The following UBTD2 variants were observed in gnomAD, a reference collection of about 807,000 sequenced individuals.
UBTD2 encodes ubiquitin domain containing 2.
A neutral mutation model predicts 19.8 loss-of-function variants in UBTD2; 9 were observed. The ratio of observed to expected loss-of-function variants is 0.46; its 90% CI spans 0.27 to 0.79. The LOEUF is 0.79. Among genes scored for constraint, UBTD2 ranks in the 30% least tolerant of loss-of-function variants. The pLI is 0.14. For missense variants in UBTD2, 250 were observed against 300.4 expected (o/e 0.83, Z 1.24); for synonymous variants, 98 against 103.9 (o/e 0.94, Z 0.35).
At chr5:172,264,571 A>C (rs1298203680) in intron 1 of UBTD2, among the ~76,000 whole-genome samples, 1 of 135,732 alleles carries the variant, frequency 7.4e-6, no homozygotes, top group Non-Finnish European at 1.6e-5. Flanking sequence ...TAAAAAAAAA[A>C]AAAAACAAAA....
At position 172,211,694 on chromosome 5, in the gene UBTD2, G is replaced by A. The variant is rs560811159; in HGVS notation, c.*136C>T. 10 of 948,286 alleles carry A rather than the reference G, an allele frequency of 1.1e-5. No homozygotes were observed. The South Asian group carries it at 3.5e-4, about 33-fold the overall frequency. 58.7% of individuals were successfully genotyped at this position (948,286 alleles called of 1,614,324 possible). On this transcript the variant is annotated 3_prime_UTR_variant, in exon 3 of 3. Coordinates refer to ENST00000393792, the MANE Select transcript of UBTD2 (RefSeq NM_152277.3). ...TCCATCACAGATGGAATTTTTCACT[G>A]GTAATTCCTCAGAACTAAATCCATT...
chr5:172,283,660 G>A lies in UBTD2; in HGVS notation c.6C>T (p.Gly2=). M[G]GCVGAQHDSS... ...AGTCGTGCTGGGCGCCCACACACCC[G>A]CCCATGGGGGCCCCCGGCGCCTCGT... Residue 2 remains glycine (G), a synonymous_variant, in exon 1 of 3, where the codon GGC becomes GGT. Transcript: ENST00000393792. This position sits in a 1 kb window ranked among gnomAD's most constrained non-coding sequence, Gnocchi z 4.3. 1 of 1,242,946 alleles carries A rather than the reference G, an allele frequency of 8.0e-7. No homozygotes were observed. Among genetic ancestry groups the A allele is most frequent in the East Asian group, 3.2e-5 (1 of 31,466 alleles). 77.0% of individuals were successfully genotyped at this position (1,242,946 alleles called of 1,614,324 possible).
chr5:172,253,966 G>A (rs1755085977), intron 1 of UBTD2, among the ~76,000 whole-genome samples: 1 of 152,198 alleles, frequency 6.6e-6, no homozygotes, highest in South Asian at 2.1e-4. Flanking sequence ...GTAAGGAGAG[G>A]GAGGATTAGA....
chr5:172,217,787 G>A (rs1332256555), intron 2 of UBTD2, among the ~76,000 whole-genome samples: 1 of 152,150 alleles, frequency 6.6e-6, no homozygotes, highest in Non-Finnish European at 1.5e-5. Context: ...CCTGGACCAA[G>A]AAGAAATAAT....
At chr5:172,259,914 A>G (rs745316796) in intron 1 of UBTD2, among the ~76,000 whole-genome samples, 6 of 152,052 alleles carry the variant, frequency 3.9e-5, no homozygotes, top group African/African-American at 7.2e-5. Context: ...TTAGCTGAGC[A>G]TGATGGCAAG....
At chr5:172,258,834 T>C (rs745545895) in intron 1 of UBTD2, among the ~76,000 whole-genome samples, 4 of 152,222 alleles carry the variant, frequency 2.6e-5, no homozygotes, top group Non-Finnish European at 5.9e-5. Context: ...AAGTTTCCGA[T>C]CTAGGAGCTT....
At chr5:172,251,373 T>A (rs960952455) in intron 1 of UBTD2, among the ~76,000 whole-genome samples, 25 of 136,998 alleles carry the variant, frequency 1.8e-4, no homozygotes, top group African/African-American at 6.7e-4. Flanking sequence ...GTCAGAAATA[T>A]AATCAAACAG....
At chr5:172,254,193 G>A (rs1046940553) in intron 1 of UBTD2, among the ~76,000 whole-genome samples, 3 of 152,026 alleles carry the variant, frequency 2.0e-5, no homozygotes, top group African/African-American at 7.2e-5. Context: ...TCTGCCTCCC[G>A]GGTTCAAGGG....
At chr5:172,282,957 C>G in intron 1 of UBTD2, among the ~76,000 whole-genome samples, 1 of 152,120 alleles carries the variant, frequency 6.6e-6, no homozygotes, top group East Asian at 1.9e-4. Flanking sequence ...GACAGCACAC[C>G]GGCCTAACAC....
At chr5:172,233,012 A>G (rs1320888614) in intron 2 of UBTD2, among the ~76,000 whole-genome samples, 1 of 152,112 alleles carries the variant, frequency 6.6e-6, no homozygotes, top group Non-Finnish European at 1.5e-5. Context: ...ATGGTGGGGA[A>G]GCTGAGGCAC....
At chr5:172,228,595 C>T (rs923687416) in intron 2 of UBTD2, among the ~76,000 whole-genome samples, 3 of 152,012 alleles carry the variant, frequency 2.0e-5, no homozygotes, top group Admixed American at 6.6e-5. Context: ...GTGCTGCACG[C>T]CTGTAATCTC....
At chr5:172,284,044 G>C (rs1039266633), upstream of UBTD2, 1 of 148,306 alleles carries the variant, frequency 6.7e-6, no homozygotes, top group African/African-American at 2.5e-5. Context: ...CGTCCGCCAG[G>C]ACCCATCGGC....
At chr5:172,264,398 T>C (rs1270241551) in intron 1 of UBTD2, among the ~76,000 whole-genome samples, 3 of 151,324 alleles carry the variant, frequency 2.0e-5, no homozygotes, top group African/African-American at 7.3e-5. Flanking sequence ...TACAAAAAAA[T>C]AGCCAGGTGT....
intron 1 of UBTD2, among the ~76,000 whole-genome samples, chr5:172,253,224 T>C (rs1407464636): frequency 6.6e-6 from 1 of 152,070 alleles, no homozygotes; most frequent in Non-Finnish European, 1.5e-5. Flanking sequence ...TATCTATGAC[T>C]ACGATCATTA....
intron 2 of UBTD2, among the ~76,000 whole-genome samples, chr5:172,214,579 G>T (rs1235562039): frequency 2.0e-5 from 3 of 152,040 alleles, no homozygotes; most frequent in Non-Finnish European, 4.4e-5. Context: ...TCTCTAAAAG[G>T]TGAGAGAGAA....
intron 1 of UBTD2, among the ~76,000 whole-genome samples, chr5:172,261,062 T>C (rs1291898763): frequency 6.6e-6 from 1 of 152,132 alleles, no homozygotes; most frequent in Admixed American, 6.5e-5. Flanking sequence ...TGGGTGACTA[T>C]CAGAAAACGT....
At chr5:172,244,355 G>A (rs1165650935) in intron 1 of UBTD2, among the ~76,000 whole-genome samples, 1 of 144,018 alleles carries the variant, frequency 6.9e-6, no homozygotes, top group Non-Finnish European at 1.5e-5. Flanking sequence ...GGAGTGCAGT[G>A]GCACAATCTC....
At chr5:172,257,051 G>A (rs566729823) in intron 1 of UBTD2, among the ~76,000 whole-genome samples, 35 of 152,208 alleles carry the variant, frequency 2.3e-4, no homozygotes, top group African/African-American at 7.0e-4. Flanking sequence ...TAAATTGAAT[G>A]TCACTGGGGT....
chr5:172,256,351 G>A (rs1755150163), intron 1 of UBTD2, among the ~76,000 whole-genome samples: 1 of 151,754 alleles, frequency 6.6e-6, no homozygotes, highest in Non-Finnish European at 1.5e-5. Flanking sequence ...GTTTATGTTA[G>A]GTGGTAGGAT....
Sources: allele counts gnomAD v4.1 joint callset (sites outside exome capture counted in the v4.1 genomes callset), GRCh38; gene constraint gnomAD v4.1.1; non-coding constraint Gnocchi (gnomAD v3.1); transcripts MANE v1.5; gene names NCBI Gene and HGNC (gene_info 2026-07-23, HGNC 2026-07-21).